The following SPATA13 variants were observed in gnomAD, a reference collection of about 807,000 sequenced individuals.
SPATA13 encodes the protein spermatogenesis associated 13, also known as spermatogenesis-associated protein 13.
SPATA13 carries 50 observed loss-of-function variants against 104.0 expected under a neutral mutation model. The observed-to-expected ratio is 0.48, with a 90% CI of 0.38 to 0.61. SPATA13 has a LOEUF of 0.61. Ranked by LOEUF, SPATA13 falls within the 20% of genes least tolerant of loss-of-function variation. The probability of loss-of-function intolerance (pLI) is 0.00; values close to 1 mark genes in which losing one functional copy is unlikely to be tolerated. For missense variants in SPATA13, 1,524 were observed against 1,690.6 expected, an observed-to-expected ratio of 0.90 and a Z score of 1.73; for synonymous variants, 606 against 667.5, an observed-to-expected ratio of 0.91 and a Z score of 1.42.
intron 4 of SPATA13, chr13:24,270,673 T>G: frequency 7.2e-7 from 1 of 1,395,826 alleles, no homozygotes. Flanking sequence ...ACACGGAGTG[T>G]GGAGCCAGCT....
intron 4 of SPATA13, chr13:24,278,958 T>TTCCGTCCC (rs1566188273): frequency 1.1e-5 from 6 of 529,400 alleles, no homozygotes; most frequent in East Asian, 8.2e-5. Flanking sequence ...CCCTCCTTCC[T>TTCCGTCCC]TCCTTCCCTC....
chr13:24,036,564 C>T (rs972823953), intron 3 of SPATA13, among the ~76,000 whole-genome samples: 3 of 152,084 alleles, frequency 2.0e-5, no homozygotes, highest in South Asian at 2.1e-4. Flanking sequence ...CCCCTGCCAC[C>T]TGGGGCCCAC....
chr13:24,081,088 G>A (rs1879500457), intron 3 of SPATA13, among the ~76,000 whole-genome samples: 1 of 152,144 alleles, frequency 6.6e-6, no homozygotes, highest in South Asian at 2.1e-4. Context: ...TCTATTATAT[G>A]CTTGGTGCTG....
chr13:24,251,759 C>T lies in SPATA13; in HGVS notation c.2061C>T (p.Pro687=), dbSNP rs780726282. 1.7e-5 allele frequency: 28 copies of T among 1,614,216 alleles called. No homozygotes were observed. Among genetic ancestry groups the T allele is most frequent in the Non-Finnish European group, 2.3e-5 (27 of 1,180,024 alleles). Residue 687 remains proline (P), a synonymous_variant, in exon 4 of 13, where the codon CCC becomes CCT. Transcript: ENST00000382108. ...CCATGCCTGCTCACCAGGTGCCACC[C>T]TACAAGGCTGTGTCGGCCCGGTTCC... is the stretch of plus-strand genomic sequence containing the variant. The part of the protein sequence containing the change: ...RPPMPAHQVP[P]YKAVSARFRP...
intron 3 of SPATA13, among the ~76,000 whole-genome samples, chr13:24,150,109 T>C (rs535219611): frequency 6.6e-5 from 10 of 152,058 alleles, no homozygotes; most frequent in African/African-American, 1.9e-4. Flanking sequence ...CTGAGATTCT[T>C]AGGTGGACTG....
At position 24,277,172 on chromosome 13, in the gene SPATA13, C is replaced by T. The variant is rs118101184; in HGVS notation, c.2165-6963C>T. 2.1e-3 allele frequency among the ~76,000 whole-genome samples: 325 copies of T among 152,090 alleles called. 11 individuals carry two copies. In the East Asian group the frequency reaches 0.053, roughly 25 times the overall value. Reference sequence around the variant, plus strand: ...TAAGAAGTTCACCTTGGGCCGGGCGCGGTGGCTTACGCCTGTAATCCTAGC... The same window carrying T: ...TAAGAAGTTCACCTTGGGCCGGGCGTGGTGGCTTACGCCTGTAATCCTAGC... On this transcript the variant is annotated intron_variant, in intron 4 of 12. Coordinates refer to ENST00000382108, the MANE Select transcript of SPATA13 (RefSeq NM_001166271.3).
At chr13:24,220,736 C>G (rs1871533563) in intron 1 of SPATA13, among the ~76,000 whole-genome samples, 1 of 152,164 alleles carries the variant, frequency 6.6e-6, no homozygotes, top group African/African-American at 2.4e-5. Context: ...GGCTGATGGT[C>G]TAAGTCATCG....
chr13:24,214,900 A>G (rs1871199071), intron 1 of SPATA13, among the ~76,000 whole-genome samples: 1 of 152,220 alleles, frequency 6.6e-6, no homozygotes, highest in African/African-American at 2.4e-5. Flanking sequence ...ACTTCTCGCA[A>G]AAGTCAGAAT....
intron 4 of SPATA13, among the ~76,000 whole-genome samples, chr13:24,262,231 C>T (rs531066865): frequency 1.3e-5 from 2 of 150,740 alleles, no homozygotes; most frequent in Non-Finnish European, 3.0e-5. Flanking sequence ...AAACTTATTT[C>T]TTTGAAAAGT....
At chr13:24,031,657 T>G (rs1397419341) in intron 3 of SPATA13, among the ~76,000 whole-genome samples, 2 of 152,224 alleles carry the variant, frequency 1.3e-5, no homozygotes, top group African/African-American at 2.4e-5. Context: ...TGTCAGGCAC[T>G]GTAGATGCAA....
At chr13:24,075,635 C>G (rs1879300291) in intron 3 of SPATA13, among the ~76,000 whole-genome samples, 1 of 152,170 alleles carries the variant, frequency 6.6e-6, no homozygotes, top group South Asian at 2.1e-4. Flanking sequence ...GACAACGTTG[C>G]TTATCCCGCT....
intron 3 of SPATA13, among the ~76,000 whole-genome samples, chr13:24,018,215 G>A (rs1273637041): frequency 6.6e-6 from 1 of 152,196 alleles, no homozygotes; most frequent in African/African-American, 2.4e-5. Flanking sequence ...TAATAGAAAT[G>A]TGCACGTGTT....
rs7318988 is a variant in SPATA13, at chr13:24,068,585, G to A, written c.-112+50884G>A. Among the ~76,000 whole-genome samples the A allele has an allele frequency of 7.2e-3, 1,098 of 152,254 alleles. 19 individuals carry two copies. Among genetic ancestry groups the A allele is most frequent in the African/African-American group, 0.024 (1,006 of 41,532 alleles). On this transcript the variant is annotated intron_variant, in intron 3 of 14. Transcript: ENST00000424834. Reference sequence around the variant, plus strand: ...TTACACAGTGGTTGAACTAATTTACGCTTTCACTGACAGTGTATAAGCATC... The same window carrying A: ...TTACACAGTGGTTGAACTAATTTACACTTTCACTGACAGTGTATAAGCATC...
intron 1 of SPATA13, among the ~76,000 whole-genome samples, chr13:24,199,816 T>C (rs1870297888): frequency 6.6e-6 from 1 of 152,246 alleles, no homozygotes; most frequent in Non-Finnish European, 1.5e-5. Context: ...CTTTTGTTTG[T>C]CAAGTGTTCC....
chr13:24,232,203 G>A (rs1872315042), intron 2 of SPATA13, among the ~76,000 whole-genome samples: 1 of 152,212 alleles, frequency 6.6e-6, no homozygotes, highest in South Asian at 2.1e-4. Flanking sequence ...GAGTGCTGGT[G>A]TAAGTCATGG....
At chr13:24,126,841 T>C (rs1386918267) in intron 3 of SPATA13, among the ~76,000 whole-genome samples, 1 of 152,184 alleles carries the variant, frequency 6.6e-6, no homozygotes, top group Non-Finnish European at 1.5e-5. Context: ...GTTACAGGCA[T>C]GAGCCACTGC....
intron 3 of SPATA13, among the ~76,000 whole-genome samples, chr13:24,148,940 T>A (rs1426023220): frequency 1.3e-5 from 2 of 152,158 alleles, no homozygotes; most frequent in Non-Finnish European, 2.9e-5. Context: ...GGAAATGCTC[T>A]CCTATGCATG....
chr13:24,118,781 T>C (rs1164753320), intron 3 of SPATA13, among the ~76,000 whole-genome samples: 1 of 152,138 alleles, frequency 6.6e-6, no homozygotes, highest in Non-Finnish European at 1.5e-5. Flanking sequence ...CACCTCTCAA[T>C]AGCAAATAAC....
chr13:24,054,684 A>G (rs567973716), intron 3 of SPATA13, among the ~76,000 whole-genome samples: 1 of 152,346 alleles, frequency 6.6e-6, no homozygotes, highest in East Asian at 1.9e-4. Context: ...ATAGTAGCGC[A>G]CCGTTAATTT....
Sources: gnomAD v4.1 joint callset for allele counts (sites outside exome capture counted in the v4.1 genomes callset) on GRCh38, gnomAD v4.1.1 for gene constraint, MANE v1.5 for transcripts, NCBI Gene and HGNC (gene_info 2026-07-23, HGNC 2026-07-21) for gene names.